The following TNFRSF10D variants were observed in gnomAD, a reference collection of about 807,000 sequenced individuals.
The protein encoded by TNFRSF10D is tumor necrosis factor receptor superfamily member 10D.
Under a neutral mutation model 42.1 loss-of-function variants are expected in TNFRSF10D, and 28 were observed. The observed-to-expected ratio is 0.66, with a 90% CI of 0.49 to 0.91. The LOEUF (loss-of-function observed/expected upper bound fraction) is 0.91, where lower values mean the gene tolerates loss of function less well. Among genes scored for constraint, TNFRSF10D ranks in the 40% least tolerant of loss-of-function variants. The pLI, the probability that TNFRSF10D is intolerant of heterozygous loss-of-function variation, is 0.00. For missense variants in TNFRSF10D, 503 were observed against 486.1 expected (o/e 1.03, Z -0.33); for synonymous variants, 186 against 189.4 (o/e 0.98, Z 0.15).
chr8:23,141,998 G>A (rs187346748), intron 7 of TNFRSF10D, among the ~76,000 whole-genome samples: 11 of 152,280 alleles, frequency 7.2e-5, no homozygotes, highest in South Asian at 2.1e-4. Context: ...TCTGCTGGGC[G>A]CGGTGGCTCA....
At chr8:23,155,840 A>C (rs954306078) in intron 1 of TNFRSF10D, among the ~76,000 whole-genome samples, 1 of 130,412 alleles carries the variant, frequency 7.7e-6, no homozygotes, top group Non-Finnish European at 1.7e-5. Context: ...TCTCTCTCGC[A>C]CACACACAGA....
intron 1 of TNFRSF10D, among the ~76,000 whole-genome samples, chr8:23,161,701 T>C (rs10092462): frequency 0.17 from 25,892 of 152,176 alleles, 2,889 homozygotes; most frequent in East Asian, 0.58. Context: ...ATGTGATGAA[T>C]CACCTTTTAC....
chr8:23,145,223 G>A lies in TNFRSF10D; in HGVS notation c.737-134C>T, dbSNP rs760306894. 4.5e-6 allele frequency: 5 copies of A among 1,117,730 alleles called. No individual in the cohort carries two copies. The East Asian group carries it at 7.5e-5, about 17-fold the overall frequency. The allele number at this position is 1,117,730 out of a possible 1,614,324, so 69.2% of individuals were successfully genotyped here. A position where few individuals can be genotyped will look rare whatever the true frequency, so the allele number is the denominator to read the frequency against. On this transcript the variant is annotated intron_variant, in intron 5 of 8. Transcript: ENST00000312584. The stretch of plus-strand genomic sequence containing the variant: ...GAGCCCTGGGGCTGGGGACAGAATG[G>A]GGCCTTGCAATTAGGGGACACCCTG...
At position 23,135,737 on chromosome 8, in the gene TNFRSF10D, A is replaced by G. The variant is rs1814311711; in HGVS notation, c.*2133T>C. ...AAAACCCCAACAATTTCATGTTGTCAGGAAGCTTATGTTAAAGGAATAAGC... is the reference window on the plus strand; with the variant it reads ...AAAACCCCAACAATTTCATGTTGTCGGGAAGCTTATGTTAAAGGAATAAGC... On this transcript the variant is annotated 3_prime_UTR_variant, in exon 9 of 9. Coordinates refer to ENST00000312584, the MANE Select transcript of TNFRSF10D (RefSeq NM_003840.5). 1 of 308,180 alleles carries G rather than the reference A, an allele frequency of 3.2e-6. No homozygotes were observed. Among genetic ancestry groups the G allele is most frequent in the African/African-American group, 2.2e-5 (1 of 45,908 alleles). The allele number at this position is 308,180 out of a possible 1,614,324, so 19.1% of individuals were successfully genotyped here.
At chr8:23,159,103 G>A (rs1800323842) in intron 1 of TNFRSF10D, among the ~76,000 whole-genome samples, 1 of 150,204 alleles carries the variant, frequency 6.7e-6, no homozygotes, top group Non-Finnish European at 1.5e-5. Context: ...GTGTGTGTGT[G>A]TGTGTCTGTG....
chr8:23,150,516 G>A (rs184932838), intron 2 of TNFRSF10D, among the ~76,000 whole-genome samples: 1 of 152,310 alleles, frequency 6.6e-6, no homozygotes, highest in Admixed American at 6.5e-5. Context: ...AACAGTGACG[G>A]CACCAAAGAA....
At chr8:23,145,291 G>A (rs552168411) in intron 5 of TNFRSF10D, among the ~76,000 whole-genome samples, 2 of 152,314 alleles carry the variant, frequency 1.3e-5, no homozygotes, top group African/African-American at 2.4e-5. Flanking sequence ...AAACCAACAC[G>A]TGGAAAATCT....
chr8:23,140,375 G>GACACAC (rs71546853), intron 7 of TNFRSF10D, among the ~76,000 whole-genome samples: 12 of 145,488 alleles, frequency 8.2e-5, no homozygotes, highest in South Asian at 2.2e-4. Flanking sequence ...ATTTACAACA[G>GACACAC]ACACACACAC....
At chr8:23,150,899 A>G (rs115437950) in intron 2 of TNFRSF10D, among the ~76,000 whole-genome samples, 923 of 152,210 alleles carry the variant, frequency 6.1e-3, no homozygotes, top group African/African-American at 0.019. Context: ...GAGGGAAGAA[A>G]GCCAACAGTA....
chr8:23,163,436 CG>C (rs2128840758), intron 1 of TNFRSF10D, among the ~76,000 whole-genome samples: 1 of 150,252 alleles, frequency 6.7e-6, no homozygotes, highest in African/African-American at 2.5e-5. Context: ...AACGAACGAA[CG>C]AACGAAAGAG....
chr8:23,148,066 C>CAAA (rs35108037), intron 3 of TNFRSF10D, among the ~76,000 whole-genome samples: 608 of 48,188 alleles, frequency 0.013, 35 homozygotes, highest in Middle Eastern at 0.05. Flanking sequence ...CTCCGTCTCC[C>CAAA]AAAAAAAAAA....
At chr8:23,160,690 C>A (rs1223179177) in intron 1 of TNFRSF10D, among the ~76,000 whole-genome samples, 1 of 152,178 alleles carries the variant, frequency 6.6e-6, no homozygotes, top group African/African-American at 2.4e-5. Flanking sequence ...TCTCCATCCC[C>A]AACCTGGAAG....
Position 23,140,375 on chromosome 8 carries a change from G to C in TNFRSF10D, c.955-2115C>G, listed in dbSNP as rs1219797429. 1.2e-4 allele frequency among the ~76,000 whole-genome samples: 17 copies of C among 145,478 alleles called. No individual in the cohort carries two copies. In the East Asian group the frequency reaches 2.9e-3, roughly 25 times the overall value. ...CAATAACACAATCCCATTTACAACAGACACACACACACACACACACACACA... is the reference window on the plus strand; with the variant it reads ...CAATAACACAATCCCATTTACAACACACACACACACACACACACACACACA... On this transcript the variant is annotated intron_variant, in intron 7 of 8. Coordinates refer to ENST00000312584, the MANE Select transcript of TNFRSF10D (RefSeq NM_003840.5).
Position 23,138,278 on chromosome 8 carries a change from G to C in TNFRSF10D, c.955-18C>G, listed in dbSNP as rs1563353343. On this transcript the variant is annotated intron_variant, in intron 7 of 8. Coordinates refer to ENST00000312584, the MANE Select transcript of TNFRSF10D (RefSeq NM_003840.5). ...GCCTGTTCCTGTAACACACAGTGGGGAATGCTCTGGTCAGAGTCAGGAGTC... is the reference window on the plus strand; with the variant it reads ...GCCTGTTCCTGTAACACACAGTGGGCAATGCTCTGGTCAGAGTCAGGAGTC... The C allele has an allele frequency of 1.9e-6, 3 of 1,614,050 alleles. No homozygotes were observed. Among genetic ancestry groups the C allele is most frequent in the African/African-American group, 1.3e-5 (1 of 74,928 alleles).
At chr8:23,139,665 T>C (rs373520470) in intron 7 of TNFRSF10D, among the ~76,000 whole-genome samples, 11 of 152,102 alleles carry the variant, frequency 7.2e-5, no homozygotes, top group African/African-American at 2.4e-4. Context: ...AACATAGTAC[T>C]GGAAGTCCTA....
intron 5 of TNFRSF10D, among the ~76,000 whole-genome samples, chr8:23,145,444 C>T (rs1383851044): frequency 1.3e-5 from 2 of 152,206 alleles, no homozygotes; most frequent in Non-Finnish European, 2.9e-5. Context: ...CTGGAGTTGG[C>T]TCCGGGAGAT....
chr8:23,138,120 G>C, intron 8 of TNFRSF10D, 68 bp downstream of exon 8: 1 of 1,612,322 alleles, frequency 6.2e-7, no homozygotes, highest in South Asian at 1.1e-5. Context: ...TCAGCTATAG[G>C]GACAGCAGTT....
At chr8:23,159,735 A>G (rs2128839924) in intron 1 of TNFRSF10D, among the ~76,000 whole-genome samples, 1 of 152,198 alleles carries the variant, frequency 6.6e-6, no homozygotes, top group African/African-American at 2.4e-5. Context: ...AAGGGTGGGC[A>G]CCTGTAATCC....
At chr8:23,159,195 G>T (rs1441483216) in intron 1 of TNFRSF10D, among the ~76,000 whole-genome samples, 1 of 151,992 alleles carries the variant, frequency 6.6e-6, no homozygotes, top group Non-Finnish European at 1.5e-5. Flanking sequence ...TGAACTCCTG[G>T]GCTCTAAGGA....
Sources: gnomAD v4.1 joint callset for allele counts (sites outside exome capture counted in the v4.1 genomes callset) on GRCh38, gnomAD v4.1.1 for gene constraint, MANE v1.5 for transcripts, NCBI Gene and HGNC (gene_info 2026-07-23, HGNC 2026-07-21) for gene names.